Variants in ARB2A observed in about 807,000 individuals in gnomAD.
The protein encoded by ARB2A is cotranscriptional regulator ARB2A.
At chr5:93,724,743 T>C in the ARB2A span, among the ~76,000 whole-genome samples, 2 of 152,016 alleles carry the variant, frequency 1.3e-5, no homozygotes, top group African/African-American at 2.4e-5. Context: ...AGTGTTTTGT[T>C]TTATGCATAC....
At chr5:93,869,827 T>A in the ARB2A span, among the ~76,000 whole-genome samples, 1 of 152,160 alleles carries the variant, frequency 6.6e-6, no homozygotes, top group Non-Finnish European at 1.5e-5. Flanking sequence ...CCGCAAAACA[T>A]TGCTCCTAAC....
the ARB2A span, among the ~76,000 whole-genome samples, chr5:93,837,492 C>T: frequency 6.6e-6 from 1 of 151,972 alleles, no homozygotes; most frequent in Non-Finnish European, 1.5e-5. Flanking sequence ...GAATATAATA[C>T]ATTCCACCAT....
the ARB2A span, among the ~76,000 whole-genome samples, chr5:93,762,850 C>A: frequency 6.6e-6 from 1 of 152,216 alleles, no homozygotes. Context: ...AACAGCGGAT[C>A]TCTTGGCAGA....
the ARB2A span, among the ~76,000 whole-genome samples, chr5:93,653,140 T>C: frequency 4.6e-5 from 7 of 152,130 alleles, no homozygotes; most frequent in Admixed American, 1.3e-4. Flanking sequence ...CCTGACATGA[T>C]CCTGTTTGAA....
the ARB2A span, among the ~76,000 whole-genome samples, chr5:93,632,212 A>C: frequency 2.6e-5 from 4 of 152,212 alleles, no homozygotes; most frequent in Admixed American, 2.6e-4. Flanking sequence ...GGGGATGTGA[A>C]GAGAATGAAG....
the ARB2A span, among the ~76,000 whole-genome samples, chr5:94,030,359 G>T: frequency 6.6e-6 from 1 of 152,338 alleles, no homozygotes; most frequent in Admixed American, 6.5e-5. Flanking sequence ...GATCATTCAG[G>T]TTGTTGGCAA....
At chr5:93,806,759 C>A in the ARB2A span, among the ~76,000 whole-genome samples, 2 of 151,870 alleles carry the variant, frequency 1.3e-5, no homozygotes, top group Non-Finnish European at 2.9e-5. Context: ...AAAGAGATTT[C>A]TATGGCTTAT....
chr5:93,648,573 A>T, the ARB2A span, among the ~76,000 whole-genome samples: 2 of 152,202 alleles, frequency 1.3e-5, no homozygotes, highest in Non-Finnish European at 2.9e-5. Context: ...GAGTTGATGG[A>T]GAGGAGATTG....
chr5:93,941,079 T>G, the ARB2A span, among the ~76,000 whole-genome samples: 1 of 152,298 alleles, frequency 6.6e-6, no homozygotes, highest in South Asian at 2.1e-4. Flanking sequence ...AACTAATTAT[T>G]CCAGTTATTG....
the ARB2A span, among the ~76,000 whole-genome samples, chr5:93,759,590 A>C: frequency 1.3e-5 from 2 of 152,248 alleles, no homozygotes; most frequent in Non-Finnish European, 2.9e-5. Context: ...GGATGGTTTA[A>C]CATATGCAAG....
chr5:93,640,335 G>A, the ARB2A span, among the ~76,000 whole-genome samples: 1 of 151,686 alleles, frequency 6.6e-6, no homozygotes, highest in Non-Finnish European at 1.5e-5. Context: ...TGTAATCCCA[G>A]CTACTCGGGA....
the ARB2A span, among the ~76,000 whole-genome samples, chr5:94,030,757 A>C: frequency 1.3e-5 from 2 of 152,204 alleles, no homozygotes. Flanking sequence ...AGTTTAGATT[A>C]ATGTCTTTCT....
chr5:93,965,968 G>C, the ARB2A span, among the ~76,000 whole-genome samples: 1 of 152,038 alleles, frequency 6.6e-6, no homozygotes, highest in South Asian at 2.1e-4. Context: ...CACTACATTA[G>C]AACTAGGTAA....
the ARB2A span, among the ~76,000 whole-genome samples, chr5:93,846,090 T>A: frequency 2.0e-5 from 3 of 151,864 alleles, no homozygotes; most frequent in Admixed American, 6.6e-5. Context: ...TGACTTACCA[T>A]CTTAGATGTT....
the ARB2A span, among the ~76,000 whole-genome samples, chr5:93,803,214 C>T: frequency 6.6e-6 from 1 of 151,982 alleles, no homozygotes; most frequent in African/African-American, 2.4e-5. Context: ...CTGCAGCTGG[C>T]ACTAAACATC....
the ARB2A span, among the ~76,000 whole-genome samples, chr5:93,798,350 T>A: frequency 3.9e-5 from 6 of 152,234 alleles, no homozygotes; most frequent in East Asian, 1.2e-3. Context: ...GACAATAAAC[T>A]CACTGCTGAA....
At chr5:93,772,322 G>C in the ARB2A span, among the ~76,000 whole-genome samples, 1 of 152,122 alleles carries the variant, frequency 6.6e-6, no homozygotes, top group African/African-American at 2.4e-5. Context: ...GGGTGGAGCG[G>C]GGAGGGATAG....
At chr5:93,621,619 G>T in the ARB2A span, among the ~76,000 whole-genome samples, 1 of 152,226 alleles carries the variant, frequency 6.6e-6, no homozygotes, top group Non-Finnish European at 1.5e-5. Context: ...TCCCCTGCGT[G>T]CGGGATCGCA....
the ARB2A span, among the ~76,000 whole-genome samples, chr5:93,662,151 T>A: frequency 6.6e-6 from 1 of 152,190 alleles, no homozygotes; most frequent in African/African-American, 2.4e-5. Context: ...GAAGTCTAAT[T>A]GGCTTATGTT....
Sources: gnomAD v4.1 joint callset for allele counts (sites outside exome capture counted in the v4.1 genomes callset) on GRCh38, gnomAD v4.1.1 for gene constraint, MANE v1.5 for transcripts, NCBI Gene and HGNC (gene_info 2026-07-23, HGNC 2026-07-21) for gene names.